Variants in SNTG1 observed in about 807,000 individuals in gnomAD.
SNTG1 encodes gamma-1-syntrophin.
A neutral mutation model predicts 74.7 loss-of-function variants in SNTG1; 39 were observed. The ratio of observed to expected loss-of-function variants is 0.52; its 90% confidence interval spans 0.40 to 0.68. SNTG1 has a LOEUF of 0.68. Among genes scored for constraint, SNTG1 ranks in the 30% least tolerant of loss-of-function variants. The probability of loss-of-function intolerance (pLI) is 0.00; values close to 1 mark genes in which losing one functional copy is unlikely to be tolerated. For missense variants in SNTG1, 685 were observed against 609.5 expected (o/e 1.12, Z -1.30); for synonymous variants, 254 against 217.1 (o/e 1.17, Z -1.49).
intron 1 of SNTG1, among the ~76,000 whole-genome samples, chr8:49,958,702 A>T (rs957507867): frequency 6.6e-6 from 1 of 152,230 alleles, no homozygotes; most frequent in Non-Finnish European, 1.5e-5. Flanking sequence ...TACAGGCGTG[A>T]GCCACTACGC....
intron 15 of SNTG1, among the ~76,000 whole-genome samples, chr8:50,681,550 A>G (rs535754587): frequency 1.3e-5 from 2 of 152,328 alleles, no homozygotes; most frequent in South Asian, 4.1e-4. Context: ...ATTTAACTGA[A>G]ATGTGTAAAA....
At chr8:50,151,451 G>A (rs2082066720) in intron 1 of SNTG1, among the ~76,000 whole-genome samples, 1 of 151,964 alleles carries the variant, frequency 6.6e-6, no homozygotes, top group South Asian at 2.1e-4. Flanking sequence ...CCTTCTGCTA[G>A]CTTTTGAATG....
At chr8:50,494,746 C>G (rs1024692401) in intron 8 of SNTG1, among the ~76,000 whole-genome samples, 35 of 152,152 alleles carry the variant, frequency 2.3e-4, no homozygotes, top group African/African-American at 8.2e-4. Flanking sequence ...AATGATATGT[C>G]TCTTTATACA....
chr8:50,267,655 A>C (rs1392108557), intron 2 of SNTG1, among the ~76,000 whole-genome samples: 3 of 152,314 alleles, frequency 2.0e-5, no homozygotes, highest in Non-Finnish European at 2.9e-5. Flanking sequence ...TTCAAAATTC[A>C]AAAGTCAATC....
At chr8:50,730,021 A>C (rs941297942) in intron 17 of SNTG1, among the ~76,000 whole-genome samples, 2 of 152,150 alleles carry the variant, frequency 1.3e-5, no homozygotes, top group Non-Finnish European at 2.9e-5. Context: ...TGCGATGCTA[A>C]AAAGTAGTTG....
chr8:50,089,278 C>A (rs992599441), intron 1 of SNTG1, among the ~76,000 whole-genome samples: 1 of 151,970 alleles, frequency 6.6e-6, no homozygotes, highest in Non-Finnish European at 1.5e-5. Context: ...AAGATTTAAA[C>A]GTTAGACCTA....
chr8:50,390,378 T>G (rs1010270488), intron 2 of SNTG1, among the ~76,000 whole-genome samples: 1 of 152,166 alleles, frequency 6.6e-6, no homozygotes, highest in African/African-American at 2.4e-5. Context: ...CAGATAGTTG[T>G]AGATGTGTGG....
At chr8:50,350,562 G>T (rs939996066) in intron 2 of SNTG1, among the ~76,000 whole-genome samples, 1 of 148,374 alleles carries the variant, frequency 6.7e-6, no homozygotes, top group Non-Finnish European at 1.5e-5. Flanking sequence ...TGGGGACTTG[G>T]AGAACCTTTA....
At chr8:50,228,238 T>C (rs977877095) in intron 2 of SNTG1, among the ~76,000 whole-genome samples, 1 of 151,644 alleles carries the variant, frequency 6.6e-6, no homozygotes, top group African/African-American at 2.4e-5. Flanking sequence ...ATTACGAAAC[T>C]AAAATATAAA....
At chr8:50,332,333 C>G (rs2090996373) in intron 2 of SNTG1, among the ~76,000 whole-genome samples, 1 of 152,022 alleles carries the variant, frequency 6.6e-6, no homozygotes, top group Non-Finnish European at 1.5e-5. Context: ...CTTATTGGGT[C>G]CTCATTTCTT....
chr8:50,112,007 G>A (rs568388964), intron 1 of SNTG1, among the ~76,000 whole-genome samples: 15 of 152,122 alleles, frequency 9.9e-5, no homozygotes, highest in African/African-American at 3.1e-4. Context: ...ATTATTTTAA[G>A]AAAATTATAT....
chr8:50,782,105 TA>T (rs1376900954), intron 18 of SNTG1, among the ~76,000 whole-genome samples: 1 of 152,230 alleles, frequency 6.6e-6, no homozygotes, highest in Non-Finnish European at 1.5e-5. Flanking sequence ...CCTTTGTGGC[TA>T]ACCCGACCTT....
chr8:50,113,810 A>G (rs1238652892), intron 1 of SNTG1, among the ~76,000 whole-genome samples: 1 of 152,048 alleles, frequency 6.6e-6, no homozygotes, highest in African/African-American at 2.4e-5. Context: ...TTGAATTTTA[A>G]ATGATTAGTT....
At chr8:50,228,573 A>C (rs1192647388) in intron 2 of SNTG1, among the ~76,000 whole-genome samples, 2 of 151,936 alleles carry the variant, frequency 1.3e-5, no homozygotes, top group Non-Finnish European at 2.9e-5. Context: ...AATAAAAATT[A>C]CAAGAGACTT....
intron 15 of SNTG1, among the ~76,000 whole-genome samples, chr8:50,665,779 C>T (rs1484153771): frequency 1.3e-5 from 2 of 151,978 alleles, no homozygotes; most frequent in East Asian, 3.9e-4. Context: ...GATTATAACT[C>T]AGCAAATAAA....
intron 1 of SNTG1, among the ~76,000 whole-genome samples, chr8:49,995,558 G>T (rs1243374596): frequency 6.6e-6 from 1 of 152,200 alleles, no homozygotes; most frequent in Non-Finnish European, 1.5e-5. Flanking sequence ...AGCAGTTCAG[G>T]GTTTTTGCAG....
At chr8:49,960,733 G>C (rs2015043) in intron 1 of SNTG1, among the ~76,000 whole-genome samples, 5 of 151,872 alleles carry the variant, frequency 3.3e-5, no homozygotes, top group Non-Finnish European at 5.9e-5. Context: ...AAAAGATCTG[G>C]GTCTTGTTCC....
intron 4 of SNTG1, among the ~76,000 whole-genome samples, chr8:50,422,900 G>A (rs1272571051): frequency 1.3e-5 from 2 of 152,054 alleles, no homozygotes; most frequent in African/African-American, 4.8e-5. Flanking sequence ...TTTGGCAAAG[G>A]GCTATTACCA....
chr8:50,688,030 G>GT (rs201934167), intron 15 of SNTG1, among the ~76,000 whole-genome samples: 3,290 of 152,132 alleles, frequency 0.022, 100 homozygotes, highest in African/African-American at 0.071. Context: ...TTTTTCATGC[G>GT]TTTTTTGGCT....
Sources: gnomAD v4.1 joint callset for allele counts (sites outside exome capture counted in the v4.1 genomes callset) on GRCh38, gnomAD v4.1.1 for gene constraint, MANE v1.5 for transcripts, NCBI Gene and HGNC (gene_info 2026-07-23, HGNC 2026-07-21) for gene names.